Variants in BCKDHB observed in about 807,000 individuals in gnomAD.
The protein encoded by BCKDHB is branched chain keto acid dehydrogenase E1 subunit beta.
A neutral mutation model predicts 48.5 loss-of-function variants in BCKDHB; 41 were observed. The ratio of observed to expected loss-of-function variants is 0.85; its 90% confidence interval spans 0.66 to 1.10. The LOEUF is 1.10. Among genes scored for constraint, BCKDHB ranks in the 50% least tolerant of loss-of-function variants. The pLI, the probability that BCKDHB is intolerant of heterozygous loss-of-function variation, is 0.00. For missense variants in BCKDHB, 496 were observed against 494.2 expected (o/e 1.00, Z -0.03); for synonymous variants, 201 against 174.8 (o/e 1.15, Z -1.18).
intron 1 of BCKDHB, among the ~76,000 whole-genome samples, chr6:80,118,565 A>G (rs1370102631): frequency 6.6e-6 from 1 of 152,054 alleles, no homozygotes; most frequent in Non-Finnish European, 1.5e-5. Context: ...GCATTGATAG[A>G]ATCTTCCTTT....
intron 8 of BCKDHB, among the ~76,000 whole-genome samples, chr6:80,236,521 T>C (rs528955121): frequency 3.9e-5 from 6 of 152,352 alleles, no homozygotes; most frequent in African/African-American, 1.4e-4. Context: ...CTGTCTATTG[T>C]TTACATGGGT....
intron 6 of BCKDHB, among the ~76,000 whole-genome samples, chr6:80,188,406 G>A (rs1316176736): frequency 6.6e-6 from 1 of 152,124 alleles, no homozygotes; most frequent in Non-Finnish European, 1.5e-5. Flanking sequence ...TATCACTGAG[G>A]TTGGTGGATC....
chr6:80,354,232 TTTA>T, the BCKDHB span, among the ~76,000 whole-genome samples: 1 of 151,314 alleles, frequency 6.6e-6, no homozygotes, highest in African/African-American at 2.5e-5. Context: ...TATTTATTTA[TTTA>T]TTTATTTTTT....
intron 3 of BCKDHB, among the ~76,000 whole-genome samples, chr6:80,167,144 C>G (rs1772617118): frequency 6.6e-6 from 1 of 151,996 alleles, no homozygotes; most frequent in Admixed American, 6.6e-5. Flanking sequence ...CTCTTTATCT[C>G]TGGTATGTTT....
chr6:80,353,862 A>C, the BCKDHB span, among the ~76,000 whole-genome samples: 1 of 140,768 alleles, frequency 7.1e-6, no homozygotes, highest in Non-Finnish European at 1.5e-5. Context: ...CAAAAAAAAA[A>C]TAAAAAGTAA....
chr6:80,466,214 A>G, the BCKDHB span, among the ~76,000 whole-genome samples: 1 of 152,156 alleles, frequency 6.6e-6, no homozygotes, highest in African/African-American at 2.4e-5. Flanking sequence ...ATCTTTAGGT[A>G]TATTATATGT....
chr6:80,346,049 C>G lies in BCKDHB; in HGVS notation c.*2245C>G, dbSNP rs537076572. The G allele has an allele frequency of 3.3e-5, 5 of 152,188 alleles. No homozygotes were observed. The highest frequency in any genetic ancestry group is 7.4e-5 in the Non-Finnish European group (5 of 68,006). 9.4% of individuals were successfully genotyped at this position (152,188 alleles called of 1,614,324 possible). Reference sequence around the variant, plus strand: ...TTTTTATATTTCCTCCGACTTACCTCTTTTTGAAAAGAGAGTTTTTATTAA... The same window carrying G: ...TTTTTATATTTCCTCCGACTTACCTGTTTTTGAAAAGAGAGTTTTTATTAA... On this transcript the variant is annotated 3_prime_UTR_variant, in exon 10 of 10. Transcript: ENST00000320393.
rs2127823416 is a variant in BCKDHB at position 80,201,003 on chromosome 6, A to C, written c.812A>C (p.Asp271Ala). The change falls in exon 7 of 10, where the codon GAT becomes GCT. Residue 271 changes from aspartate to alanine, a missense_variant. Physicochemically the swap from Asp to Ala is moderately radical, Grantham distance 126. Transcript: ENST00000320393. ...GCCGAAGTCATACAGGAAGGGAGTG[A>C]TGTTACTCTAGTTGCCTGGGGCACT... ...SQAEVIQEGS[D>A]VTLVAWGTQV... 1 of 1,612,632 alleles carries C rather than the reference A, an allele frequency of 6.2e-7. No homozygotes were observed. Among genetic ancestry groups the C allele is most frequent in the Admixed American group, 1.7e-5 (1 of 59,962 alleles).
At chr6:80,248,881 G>A (rs1177902254) in intron 8 of BCKDHB, among the ~76,000 whole-genome samples, 2 of 144,014 alleles carry the variant, frequency 1.4e-5, no homozygotes, top group Non-Finnish European at 3.0e-5. Context: ...ACCCTGGTTG[G>A]AAGTTTGTGT....
intron 1 of BCKDHB, among the ~76,000 whole-genome samples, chr6:80,112,028 T>C (rs1024082478): frequency 6.6e-6 from 1 of 152,244 alleles, no homozygotes; most frequent in Non-Finnish European, 1.5e-5. Flanking sequence ...CCAGCTTGTT[T>C]AGTAAAGTTA....
chr6:80,384,969 T>C, the BCKDHB span, among the ~76,000 whole-genome samples: 1 of 152,208 alleles, frequency 6.6e-6, no homozygotes. Context: ...CTGATAGTCC[T>C]TGCTGTGAAC....
chr6:80,126,703 T>A (rs899585865), intron 1 of BCKDHB, among the ~76,000 whole-genome samples: 1 of 152,112 alleles, frequency 6.6e-6, no homozygotes, highest in African/African-American at 2.4e-5. Flanking sequence ...CTTAAAGTTT[T>A]GGGATGACTG....
the BCKDHB span, among the ~76,000 whole-genome samples, chr6:80,384,255 G>C: frequency 3.9e-3 from 588 of 152,136 alleles, 7 homozygotes; most frequent in African/African-American, 0.013. Flanking sequence ...GAAAAGGAGA[G>C]ACTGGCCTAG....
At chr6:80,315,553 G>A (rs889362069) in intron 9 of BCKDHB, among the ~76,000 whole-genome samples, 4 of 151,082 alleles carry the variant, frequency 2.6e-5, no homozygotes, top group Admixed American at 6.6e-5. Context: ...TGAGTGCCAC[G>A]CACTACAGTT....
Position 80,157,557 on chromosome 6 carries a change from C to T in BCKDHB, c.344-10121C>T, listed in dbSNP as rs887705677. Among the ~76,000 whole-genome samples, 82 of 149,780 alleles carry T rather than the reference C, an allele frequency of 5.5e-4. 1 individual carries two copies. The highest frequency in any genetic ancestry group is 5.3e-3 in the Admixed American group (79 of 14,808). On this transcript the variant is annotated intron_variant, in intron 3 of 9. Coordinates refer to ENST00000320393, the MANE Select transcript of BCKDHB (RefSeq NM_183050.4). Reference sequence around the variant, plus strand: ...CTTGGCTCACCGCAACCTCCGCCTCCCAGGTTCAAGCAGTTCTCCTGCCTC... The same window carrying T: ...CTTGGCTCACCGCAACCTCCGCCTCTCAGGTTCAAGCAGTTCTCCTGCCTC...
At chr6:80,325,289 T>G (rs1768977347) in intron 9 of BCKDHB, among the ~76,000 whole-genome samples, 1 of 152,202 alleles carries the variant, frequency 6.6e-6, no homozygotes, top group Admixed American at 6.5e-5. Flanking sequence ...TTGTTGATGT[T>G]GTGGCAGAAT....
At position 80,344,050 on chromosome 6, in the gene BCKDHB, G is replaced by A. The variant is rs572428477; in HGVS notation, c.*246G>A. 6 of 494,068 alleles carry A rather than the reference G, an allele frequency of 1.2e-5. No homozygotes were observed. Among genetic ancestry groups the A allele is most frequent in the South Asian group, 1.2e-4 (6 of 49,460 alleles). 30.6% of individuals were successfully genotyped at this position (494,068 alleles called of 1,614,324 possible). A position where few individuals can be genotyped will look rare whatever the true frequency, so the allele number is the denominator to read the frequency against. The stretch of plus-strand genomic sequence containing the variant: ...GAGTCTCACTCTGTCGCCCAGGCTA[G>A]ACTGCAGTGGTGCAATCTCAGCTCA... On this transcript the variant is annotated 3_prime_UTR_variant, in exon 10 of 10. Transcript: ENST00000320393.
chr6:80,413,293 C>G, the BCKDHB span, among the ~76,000 whole-genome samples: 1 of 152,046 alleles, frequency 6.6e-6, no homozygotes, highest in Non-Finnish European at 1.5e-5. Flanking sequence ...ATTCCACTCT[C>G]AACATCTTTT....
At chr6:80,269,815 T>A (rs1371271374) in intron 8 of BCKDHB, among the ~76,000 whole-genome samples, 1 of 152,138 alleles carries the variant, frequency 6.6e-6, no homozygotes, top group Non-Finnish European at 1.5e-5. Context: ...ATTATTTATC[T>A]TAAAAAGGTA....
Sources: gnomAD v4.1 joint callset for allele counts (sites outside exome capture counted in the v4.1 genomes callset) on GRCh38, gnomAD v4.1.1 for gene constraint, MANE v1.5 for transcripts, NCBI Gene and HGNC (gene_info 2026-07-23, HGNC 2026-07-21) for gene names.